The following PRKN variants were observed in gnomAD, a reference collection of about 807,000 sequenced individuals.
PRKN encodes parkin RBR E3 ubiquitin protein ligase.
Under a neutral mutation model 59.5 loss-of-function variants are expected in PRKN, and 56 were observed. The observed-to-expected ratio is 0.94, with a 90% CI of 0.76 to 1.18. PRKN has a LOEUF of 1.18. PRKN is among the 50% of genes most tolerant of loss of function. The pLI, the probability that PRKN is intolerant of heterozygous loss-of-function variation, is 0.00. For synonymous variants in PRKN, 250 were observed against 222.1 expected (o/e 1.13, Z -1.12); for missense variants, 657 against 596.4 (o/e 1.10, Z -1.06).
intron 5 of PRKN, among the ~76,000 whole-genome samples, chr6:162,053,231 C>T (rs1009218081): frequency 6.6e-6 from 1 of 152,190 alleles, no homozygotes; most frequent in African/African-American, 2.4e-5. Flanking sequence ...GAAAGCTCCT[C>T]TCATGATTCT....
Position 161,545,455 on chromosome 6 carries a change from A to G in PRKN, c.1083+3399T>C, listed in dbSNP as rs1779762964. 1 of 1,561,004 alleles carries G rather than the reference A, an allele frequency of 6.4e-7. No homozygotes were observed. Among genetic ancestry groups the G allele is most frequent in the Non-Finnish European group, 8.8e-7 (1 of 1,132,888 alleles). ...TGTCCATACTGTGAGAGCAAAGAGT[A>G]AAAAGAGATTCACCTTCTTCTAACT... On this transcript the variant is annotated intron_variant, in intron 9 of 11. Coordinates refer to ENST00000366898, the MANE Select transcript of PRKN (RefSeq NM_004562.3). This position sits in a 1 kb window ranked among gnomAD's most constrained non-coding sequence, Gnocchi z 4.1.
chr6:162,628,491 T>C (rs2128222147), intron 1 of PRKN, among the ~76,000 whole-genome samples: 1 of 152,180 alleles, frequency 6.6e-6, no homozygotes. Flanking sequence ...TAATCCATAG[T>C]CAGGAAATGA....
intron 6 of PRKN, among the ~76,000 whole-genome samples, chr6:161,797,196 C>T (rs1436792412): frequency 6.6e-6 from 1 of 152,170 alleles, no homozygotes. Flanking sequence ...TTCATTCATT[C>T]TTAAAATGAA....
chr6:162,600,428 G>T (rs1415091827), intron 1 of PRKN, among the ~76,000 whole-genome samples: 1 of 152,172 alleles, frequency 6.6e-6, no homozygotes, highest in Non-Finnish European at 1.5e-5. Flanking sequence ...TAAAGAAGAT[G>T]TGAACATTTT....
At chr6:162,105,949 C>T (rs901813092) in intron 4 of PRKN, among the ~76,000 whole-genome samples, 5 of 152,264 alleles carry the variant, frequency 3.3e-5, no homozygotes, top group East Asian at 1.9e-4. Flanking sequence ...TGGATCCAAT[C>T]GTCATACATA....
At position 161,352,726 on chromosome 6, in the gene PRKN, A is replaced by AGTGTGTGTAT. The variant is rs1554251118; in HGVS notation, c.1286-2516_1286-2515insATACACACAC. Among the ~76,000 whole-genome samples the AGTGTGTGTAT allele has an allele frequency of 0.012, 1,551 of 128,486 alleles. 36 individuals carry two copies. The highest frequency in any genetic ancestry group is 0.044 in the African/African-American group (1,459 of 32,856). 84.3% of individuals were successfully genotyped at this position (128,486 alleles called of 152,430 possible). The stretch of plus-strand genomic sequence containing the variant: ...TATATAAACACAAATATGTATGAAG[A>AGTGTGTGTAT]GTGTGTGTGTGTGTGTGTGTGTGTG... On this transcript the variant is annotated intron_variant, in intron 11 of 11. Coordinates refer to ENST00000366898, the MANE Select transcript of PRKN (RefSeq NM_004562.3). This position sits in a 1 kb window ranked among gnomAD's most constrained non-coding sequence, Gnocchi z 5.8.
At chr6:161,909,397 G>C (rs1036116766) in intron 6 of PRKN, among the ~76,000 whole-genome samples, 10 of 152,044 alleles carry the variant, frequency 6.6e-5, no homozygotes, top group African/African-American at 2.4e-4. Flanking sequence ...TGTGTGCCCT[G>C]ATAAGAAATG....
rs1335560976 is a variant in PRKN, at chr6:161,378,009, A to G, written c.1167+8785T>C. The stretch of plus-strand genomic sequence containing the variant: ...CAGCTGACAGTGGACTGTGTGTGGA[A>G]AGGAAAGAGTCCTGAGTTAGGAAGA... On this transcript the variant is annotated intron_variant, in intron 10 of 11. Coordinates refer to ENST00000366898, the MANE Select transcript of PRKN (RefSeq NM_004562.3). This position sits in a 1 kb window ranked among gnomAD's most constrained non-coding sequence, Gnocchi z 7.3. Among the ~76,000 whole-genome samples, 1 of 152,128 alleles carries G rather than the reference A, an allele frequency of 6.6e-6. No homozygotes were observed. Among genetic ancestry groups the G allele is most frequent in the African/African-American group, 2.4e-5 (1 of 41,414 alleles).
chr6:162,289,901 A>T (rs1451590791), intron 2 of PRKN, among the ~76,000 whole-genome samples: 1 of 152,122 alleles, frequency 6.6e-6, no homozygotes, highest in East Asian at 1.9e-4. Context: ...CTTGAATGTG[A>T]CTGCATATCT....
chr6:162,340,197 C>T (rs1215210474), intron 2 of PRKN, among the ~76,000 whole-genome samples: 1 of 150,540 alleles, frequency 6.6e-6, no homozygotes, highest in Non-Finnish European at 1.5e-5. Context: ...TTCGTGAGAA[C>T]CAAGAAAATC....
At chr6:161,973,503 G>C in intron 5 of PRKN, 86 bp from the exon 6 acceptor site, 1 of 764,852 alleles carries the variant, frequency 1.3e-6, no homozygotes. Context: ...CAATCTCTTT[G>C]GACAAGAGAA....
chr6:162,172,118 A>G (rs1025850921), intron 4 of PRKN, among the ~76,000 whole-genome samples: 1 of 152,232 alleles, frequency 6.6e-6, no homozygotes, highest in African/African-American at 2.4e-5. Flanking sequence ...ACACAGAGTA[A>G]GTGATAGAAC....
chr6:162,094,656 C>T (rs1779655915), intron 4 of PRKN, among the ~76,000 whole-genome samples: 1 of 152,020 alleles, frequency 6.6e-6, no homozygotes, highest in South Asian at 2.1e-4. Flanking sequence ...ACAGCAAGAT[C>T]TGAATTTGTG....
At chr6:161,747,633 C>T (rs1788488507) in intron 7 of PRKN, among the ~76,000 whole-genome samples, 1 of 152,188 alleles carries the variant, frequency 6.6e-6, no homozygotes. Flanking sequence ...TTAAGAGGTC[C>T]TTACCGGATT....
At chr6:161,641,560 GAGTAAT>G (rs1225133597) in intron 7 of PRKN, among the ~76,000 whole-genome samples, 6 of 152,154 alleles carry the variant, frequency 3.9e-5, no homozygotes, top group Non-Finnish European at 8.8e-5. Flanking sequence ...GAGACTGACA[GAGTAAT>G]AATAAAACTC....
At chr6:161,756,958 T>C (rs979964502) in intron 7 of PRKN, among the ~76,000 whole-genome samples, 3 of 152,154 alleles carry the variant, frequency 2.0e-5, no homozygotes, top group African/African-American at 7.2e-5. Flanking sequence ...CCAACTGACT[T>C]TCAACAAAGG....
intron 7 of PRKN, among the ~76,000 whole-genome samples, chr6:161,703,368 C>T (rs2128179646): frequency 6.6e-6 from 1 of 152,192 alleles, no homozygotes. Flanking sequence ...GGCAAATAAG[C>T]CCATGGAAAG....
chr6:162,119,927 T>A (rs923730994), intron 4 of PRKN, among the ~76,000 whole-genome samples: 2 of 152,222 alleles, frequency 1.3e-5, no homozygotes, highest in African/African-American at 4.8e-5. Context: ...TGTTATTTTC[T>A]GCAACTCAGC....
At position 162,557,304 on chromosome 6, in the gene PRKN, G is replaced by A. The variant is rs563877271; in HGVS notation, c.8-113831C>T. The stretch of plus-strand genomic sequence containing the variant: ...TGCTGCTTGGTAGTCGAACAAACAC[G>A]CTGGAGTCAGAGGCCAGAGTCCTTC... On this transcript the variant is annotated intron_variant, in intron 1 of 11. Coordinates refer to ENST00000366898, the MANE Select transcript of PRKN (RefSeq NM_004562.3). 5.3e-5 allele frequency among the ~76,000 whole-genome samples: 8 copies of A among 152,210 alleles called. No individual in the cohort carries two copies. The South Asian group carries it at 8.3e-4, about 16-fold the overall frequency.
Sources: gnomAD v4.1 joint callset for allele counts (sites outside exome capture counted in the v4.1 genomes callset) on GRCh38, gnomAD v4.1.1 for gene constraint, Gnocchi (gnomAD v3.1) non-coding constraint, MANE v1.5 for transcripts, NCBI Gene and HGNC (gene_info 2026-07-23, HGNC 2026-07-21) for gene names.